Variants in ZFHX3 observed in about 807,000 individuals in gnomAD.
ZFHX3 encodes the protein zinc finger homeobox protein 3.
ZFHX3 carries 42 observed loss-of-function variants against 279.1 expected under a neutral mutation model. The observed-to-expected ratio is 0.15, with a 90% CI of 0.12 to 0.19. The LOEUF (loss-of-function observed/expected upper bound fraction) is 0.19. Ranked by LOEUF, ZFHX3 falls within the 10% of genes least tolerant of loss-of-function variation. ZFHX3 has a pLI of 1.00. For synonymous variants in ZFHX3, 2,293 were observed against 1,957.8 expected (o/e 1.17, Z -4.52); for missense variants, 4,981 against 4,754.0 (o/e 1.05, Z -1.40).
chr16:73,443,988 T>C (rs1039964772), intron 3 of ZFHX3, among the ~76,000 whole-genome samples: 3 of 152,212 alleles, frequency 2.0e-5, no homozygotes, highest in African/African-American at 4.8e-5. Context: ...CTTGAATTAC[T>C]GGGCCCAAGG....
chr16:73,790,094 T>A (rs909152790), intron 1 of ZFHX3, among the ~76,000 whole-genome samples: 1 of 152,180 alleles, frequency 6.6e-6, no homozygotes, highest in Non-Finnish European at 1.5e-5. Context: ...GGTCTCATTG[T>A]AGGACCAAAC....
intron 4 of ZFHX3, among the ~76,000 whole-genome samples, chr16:73,303,963 G>GGAAGA (rs781722281): frequency 1.6e-4 from 12 of 76,122 alleles, no homozygotes; most frequent in African/African-American, 5.5e-4. Context: ...ACCCTAGGTG[G>GGAAGA]AAAAAAAAAA....
chr16:72,923,641 A>G (rs1172519658), intron 3 of ZFHX3, among the ~76,000 whole-genome samples: 3 of 151,900 alleles, frequency 2.0e-5, no homozygotes, highest in Non-Finnish European at 4.4e-5. Context: ...CACCACCAGG[A>G]GCACCCAGGA....
chr16:73,850,690 CA>C (rs1371875977), intron 1 of ZFHX3, among the ~76,000 whole-genome samples: 1 of 151,996 alleles, frequency 6.6e-6, no homozygotes, highest in Non-Finnish European at 1.5e-5. Context: ...CCAACCCACC[CA>C]AGTCAGTTAT....
intron 3 of ZFHX3, among the ~76,000 whole-genome samples, chr16:72,919,931 T>C (rs868821834): frequency 1.3e-5 from 2 of 151,656 alleles, no homozygotes; most frequent in Admixed American, 6.6e-5. Context: ...GAACCTGGGA[T>C]TACAGGCACC....
chr16:73,853,903 G>A (rs1438408850), intron 1 of ZFHX3, among the ~76,000 whole-genome samples: 2 of 152,094 alleles, frequency 1.3e-5, no homozygotes, highest in East Asian at 3.9e-4. Context: ...ATTGTTGTAA[G>A]TGACAATAGG....
chr16:73,621,806 G>A lies in ZFHX3; in HGVS notation c.-1547+58374C>T, dbSNP rs1209809436. Among the ~76,000 whole-genome samples the A allele has an allele frequency of 7.2e-5, 11 of 152,186 alleles. No homozygotes were observed. In the East Asian group the frequency reaches 9.7e-4, roughly 13 times the overall value. ...CCAGATCTTCCATTAAAAATGAACC[G>A]AAATCCTCCACCGAACAGCTTAGGA... On this transcript the variant is annotated intron_variant, in intron 2 of 17. Transcript: ENST00000641206.
intron 3 of ZFHX3, among the ~76,000 whole-genome samples, chr16:73,393,563 G>A (rs2017063708): frequency 6.6e-6 from 1 of 152,164 alleles, no homozygotes; most frequent in Non-Finnish European, 1.5e-5. Flanking sequence ...AAAGTCGCTG[G>A]CGAGAAAATC....
chr16:73,873,539 T>C (rs1211257128), intron 1 of ZFHX3, among the ~76,000 whole-genome samples: 1 of 152,066 alleles, frequency 6.6e-6, no homozygotes, highest in Non-Finnish European at 1.5e-5. Flanking sequence ...CATTCCCTTA[T>C]GGATGTGATT....
chr16:73,779,561 A>C (rs2142301575), intron 1 of ZFHX3, among the ~76,000 whole-genome samples: 1 of 152,296 alleles, frequency 6.6e-6, no homozygotes, highest in South Asian at 2.1e-4. Context: ...GAAACATTTA[A>C]GACCCACAAA....
chr16:73,789,676 A>G (rs776174513), intron 1 of ZFHX3, among the ~76,000 whole-genome samples: 2 of 152,186 alleles, frequency 1.3e-5, no homozygotes, highest in African/African-American at 2.4e-5. Context: ...AGGGGCAGAT[A>G]TGTAATAAAT....
At chr16:72,866,294 T>C (rs1239730498) in intron 4 of ZFHX3, among the ~76,000 whole-genome samples, 1 of 152,192 alleles carries the variant, frequency 6.6e-6, no homozygotes, top group Non-Finnish European at 1.5e-5. Flanking sequence ...ACACTTTATG[T>C]ACATTCCCTC....
intron 2 of ZFHX3, among the ~76,000 whole-genome samples, chr16:72,952,119 G>A (rs1961029004): frequency 6.6e-6 from 1 of 152,174 alleles, no homozygotes; most frequent in Non-Finnish European, 1.5e-5. Context: ...GCGTGTGCCT[G>A]TAGTTCCAGT....
chr16:72,963,181 G>A (rs1343592528), intron 1 of ZFHX3, among the ~76,000 whole-genome samples: 2 of 152,116 alleles, frequency 1.3e-5, no homozygotes, highest in African/African-American at 2.4e-5. Flanking sequence ...AGCCTGACAC[G>A]CACACCTCTC....
At chr16:73,053,364 G>T (rs1304639827) in intron 1 of ZFHX3, among the ~76,000 whole-genome samples, 3 of 152,284 alleles carry the variant, frequency 2.0e-5, no homozygotes, top group South Asian at 2.1e-4. Context: ...TGGGGAGGCT[G>T]CGGGGGCAAG....
At chr16:73,211,064 C>A (rs1382068564) in intron 5 of ZFHX3, among the ~76,000 whole-genome samples, 1 of 152,122 alleles carries the variant, frequency 6.6e-6, no homozygotes, top group Non-Finnish European at 1.5e-5. Context: ...AGGCCCATGA[C>A]CCCTGGCTTT....
rs1234634202 is a variant in ZFHX3 at position 72,959,601 on chromosome 16, C to T, written c.545G>A (p.Gly182Glu). The change falls in exon 2 of 10, where the codon GGG (glycine) becomes GAG (glutamate). Residue 182 changes from glycine to glutamate, a missense_variant. This residue lies in a region of ZFHX3 where 1,068 missense variants were observed against 935.2 expected (regional missense o/e 1.14). Transcript: ENST00000268489. ...CACGGGTGCAGCACACGAAGGGTCCCCTTGCTTGCCCCCCGCGCCAGGGAG... is the reference window on the plus strand; with the variant it reads ...CACGGGTGCAGCACACGAAGGGTCCTCTTGCTTGCCCCCCGCGCCAGGGAG... ...NSLPGAGGKQ[G>E]DPSCAAPVYP... 1 of 1,614,160 alleles carries T rather than the reference C, an allele frequency of 6.2e-7. No homozygotes were observed. The highest frequency in any genetic ancestry group is 8.5e-7 in the Non-Finnish European group (1 of 1,180,034).
chr16:73,733,925 A>G (rs531708120), intron 1 of ZFHX3, among the ~76,000 whole-genome samples: 1 of 152,322 alleles, frequency 6.6e-6, no homozygotes, highest in South Asian at 2.1e-4. Flanking sequence ...TATGCCTGGT[A>G]ACAGTGGTCC....
chr16:73,426,292 T>C (rs571917300), intron 3 of ZFHX3, among the ~76,000 whole-genome samples: 30 of 152,338 alleles, frequency 2.0e-4, no homozygotes, highest in African/African-American at 7.0e-4. Context: ...TAGGAGGTTT[T>C]GTTTGTTTGT....
Sources: gnomAD v4.1 joint callset for allele counts (sites outside exome capture counted in the v4.1 genomes callset) on GRCh38, gnomAD v4.1.1 for gene constraint, gnomAD v4.1.1 regional missense constraint, MANE v1.5 for transcripts, NCBI Gene and HGNC (gene_info 2026-07-23, HGNC 2026-07-21) for gene names.